HOXA10: variants seen among roughly 807,000 people sequenced by gnomAD.
HOXA10 encodes the protein homeobox protein Hox-A10.
In HOXA10, 12 loss-of-function variants were observed where a neutral mutation model predicts 29.7. The observed-to-expected ratio is 0.40, with a 90% CI of 0.26 to 0.65. The LOEUF (loss-of-function observed/expected upper bound fraction) is 0.65. Among genes scored for constraint, HOXA10 ranks in the 30% least tolerant of loss-of-function variants. HOXA10 has a pLI of 0.37. For missense variants in HOXA10, 656 were observed against 585.9 expected (o/e 1.12, Z -1.24); for synonymous variants, 327 against 280.7 (o/e 1.16, Z -1.65).
chr7:27,174,294 T>C lies in HOXA10; in HGVS notation c.13A>G (p.Lys5Glu). 9 of 1,598,372 alleles carry C rather than the reference T, an allele frequency of 5.6e-6. No individual in the cohort carries two copies. The highest frequency in any genetic ancestry group is 7.6e-6 in the Non-Finnish European group (9 of 1,179,748). ...TTTGGCGAAGGGAGCAGATAGCCCT[T>C]TCTGGCTGACATTTCTTGTGCAAAA... MSAR[K>E]GYLLPSPNYP... Residue 5 changes from lysine to glutamate, a missense_variant, in exon 1 of 2, where the codon AAG (lysine) becomes GAG (glutamate). Lys to Glu is a moderately conservative substitution (Grantham distance 56, BLOSUM62 1). Transcript: ENST00000283921.
In HOXA10 at chr7:27,171,559, T is replaced by C. The variant is rs1783489383; in HGVS notation, c.*340A>G. ...GCCCCAGGCTGGGCAGGAAACCAGC[T>C]CGGCCGAAGACAGGGGCCATTTCGA... On this transcript the variant is annotated 3_prime_UTR_variant, in exon 2 of 2. Transcript: ENST00000283921. 1 of 486,060 alleles carries C rather than the reference T, an allele frequency of 2.1e-6. No individual in the cohort carries two copies. The highest frequency in any genetic ancestry group is 4.0e-6 in the Non-Finnish European group (1 of 248,216). 30.1% of individuals were successfully genotyped at this position (486,060 alleles called of 1,614,324 possible).
Position 27,172,040 on chromosome 7 carries a change from C to T in HOXA10, c.1092G>A (p.Glu364=). ...CGCTGCGGCTAATCTCTAGGCGCCG[C>T]TCTCGAGTAAGGTACATATTGAACA... ...EFLFNMYLTR[E]RRLEISRSVH... is the part of the protein sequence containing the mutation. The change falls in exon 2 of 2, where the codon GAG becomes GAA. Residue 364 remains glutamate, a synonymous_variant. Coordinates refer to ENST00000283921, the MANE Select transcript of HOXA10 (RefSeq NM_018951.4). The T allele has an allele frequency of 1.9e-6, 3 of 1,614,022 alleles. No individual in the cohort carries two copies. The highest frequency in any genetic ancestry group is 2.5e-6 in the Non-Finnish European group (3 of 1,179,952).
intron 1 of HOXA10, chr7:27,179,568 G>T (rs1384984026): frequency 9.4e-6 from 7 of 743,270 alleles, no homozygotes; most frequent in Admixed American, 1.8e-5. Context: ...CCACGTTCCC[G>T]AGAGCCCTGC....
rs1463479135 is a variant in HOXA10, at chr7:27,171,571, AG to A, written c.*327del. On this transcript the variant is annotated 3_prime_UTR_variant, in exon 2 of 2. Transcript: ENST00000283921. ...GCAGGAAACCAGCTCGGCCGAAGAC[AG>A]GGGCCATTTCGAGCAGTGGGACCCC... 2.0e-6 allele frequency: 1 copy of A among 498,380 alleles called. No homozygotes were observed. The highest frequency in any genetic ancestry group is 1.5e-5 in the South Asian group (1 of 64,838). 30.9% of individuals were successfully genotyped at this position (498,380 alleles called of 1,614,324 possible).
At position 27,173,679 on chromosome 7, in the gene HOXA10, C is replaced by T; in HGVS notation, c.628G>A (p.Val210Met). Residue 210 changes from valine (V) to methionine (M), a missense_variant, in exon 1 of 2, where the codon GTG becomes ATG. Physicochemically the swap from Val to Met is conservative, Grantham distance 21. This residue lies in a region of HOXA10 where 594 missense variants were observed against 491.9 expected (regional missense o/e 1.21). Coordinates refer to ENST00000283921, the MANE Select transcript of HOXA10 (RefSeq NM_018951.4). ...CALGTSSGVP[V>M]PGYFRLSQAY... ...TGAGAAAGGCGGAAGTAGCCAGGCA[C>T]TGGCACCCCGCTGGAGGTGCCCAGG... 1 of 1,556,944 alleles carries T rather than the reference C, an allele frequency of 6.4e-7. No individual in the cohort carries two copies. The highest frequency in any genetic ancestry group is 2.4e-5 in the East Asian group (1 of 41,198).
In HOXA10 at chr7:27,170,657, C is replaced by A. The variant is rs1388972903; in HGVS notation, c.*1242G>T. On this transcript the variant is annotated 3_prime_UTR_variant, in exon 2 of 2. Coordinates refer to ENST00000283921, the MANE Select transcript of HOXA10 (RefSeq NM_018951.4). ...AACATAAACATCGTCTTTTTCCACG[C>A]ACAGCAGCAATACAATATTAATTTA... The A allele has an allele frequency of 2.6e-6, 1 of 381,340 alleles. No homozygotes were observed. Among genetic ancestry groups the A allele is most frequent in the African/African-American group, 2.1e-5 (1 of 47,120 alleles). The allele number at this position is 381,340 out of a possible 1,614,324, so 23.6% of individuals were successfully genotyped here.
chr7:27,175,881 T>A (rs992115051), upstream of HOXA10, among the ~76,000 whole-genome samples: 1 of 152,190 alleles, frequency 6.6e-6, no homozygotes, highest in Non-Finnish European at 1.5e-5. Context: ...TTCCTCCCAG[T>A]GTGAATCCAG....
chr7:27,173,830 G>A lies in HOXA10; in HGVS notation c.477C>T (p.Phe159=). ...QPAPQATSCS[F]AQNIKEESSY... is the part of the protein sequence containing the mutation. ...AGCTCTCTTCTTTGATGTTCTGCGC[G>A]AAAGAGCACGAGGTGGCCTGCGGCG... is the stretch of plus-strand genomic sequence containing the variant. Residue 159 remains phenylalanine (F), a synonymous_variant, in exon 1 of 2, where the codon TTC becomes TTT. Transcript: ENST00000283921. 1.2e-6 allele frequency: 2 copies of A among 1,610,822 alleles called. No homozygotes were observed. Among genetic ancestry groups the A allele is most frequent in the Non-Finnish European group, 8.5e-7 (1 of 1,178,578 alleles).
In HOXA10 at chr7:27,173,509, C is replaced by T; in HGVS notation, c.798G>A (p.Lys266=). The T allele has an allele frequency of 6.8e-7, 1 of 1,480,054 alleles. No homozygotes were observed. Among genetic ancestry groups the T allele is most frequent in the Non-Finnish European group, 8.9e-7 (1 of 1,123,924 alleles). The allele number at this position is 1,480,054 out of a possible 1,614,324, so 91.7% of individuals were successfully genotyped here. Residue 266 remains lysine (K), a synonymous_variant, in exon 1 of 2, where the codon AAG becomes AAA. Transcript: ENST00000283921. ...GCGGCGGCGAATCGAGGGCTCGCTC[C>T]TTCCGGGCCGCATCGGCCGAGCCGG... ...LASGSADAAR[K]ERALDSPPPP... is the part of the protein sequence containing the mutation.
At chr7:27,174,606 G>A (rs1277455696), upstream of HOXA10, 1 of 470,784 alleles carries the variant, frequency 2.1e-6, no homozygotes, top group Non-Finnish European at 3.8e-6. Context: ...CCGGACGTGA[G>A]CCCCATACCG....
Position 27,170,902 on chromosome 7 carries a change from G to A in HOXA10, c.*997C>T, listed in dbSNP as rs1465474373. 4.4e-6 allele frequency: 2 copies of A among 453,880 alleles called. No homozygotes were observed. Among genetic ancestry groups the A allele is most frequent in the Non-Finnish European group, 8.8e-6 (2 of 226,748 alleles). 28.1% of individuals were successfully genotyped at this position (453,880 alleles called of 1,614,324 possible). A position where few individuals can be genotyped will look rare whatever the true frequency, so the allele number is the denominator to read the frequency against. On this transcript the variant is annotated 3_prime_UTR_variant, in exon 2 of 2. Coordinates refer to ENST00000283921, the MANE Select transcript of HOXA10 (RefSeq NM_018951.4). ...ATCCAAACAATGTCTCCCTTCTCTA[G>A]TTTATTCCGCTTACCCCAGTCCTCC...
chr7:27,174,509 A>G (rs1164838889), upstream of HOXA10, among the ~76,000 whole-genome samples: 3 of 152,276 alleles, frequency 2.0e-5, no homozygotes, highest in Admixed American at 6.5e-5. Context: ...ACGCACCCCG[A>G]CACCTTGGCC....
In HOXA10 at chr7:27,174,159, C is replaced by T. The variant is rs763886371; in HGVS notation, c.148G>A (p.Gly50Arg). ...GEAGGGGGGA[G>R]GGGGGGYYAH... ...TAGTAACCGCCACCGCCGCCGCCCC[C>T]CGCGCCACCACCACCGCCGCCTGCC... Residue 50 changes from glycine (G) to arginine (R), a missense_variant, in exon 1 of 2, where the codon GGG (glycine) becomes AGG (arginine). Gly to Arg is a moderately radical substitution (Grantham distance 125, BLOSUM62 -2). Around this residue, in one of 2 missense-constraint regions of HOXA10, gnomAD observed 594 missense variants for 491.9 expected, o/e 1.21. Transcript: ENST00000283921. 6.3e-7 allele frequency: 1 copy of T among 1,596,254 alleles called. No individual in the cohort carries two copies. The highest frequency in any genetic ancestry group is 2.2e-5 in the East Asian group (1 of 44,810).
chr7:27,179,310 CTT>C (rs10634973), upstream of HOXA10, among the ~76,000 whole-genome samples: 108 of 141,390 alleles, frequency 7.6e-4, no homozygotes, highest in Non-Finnish European at 8.6e-4. Flanking sequence ...CCGCGATCAC[CTT>C]TTTTTTTTTT....
chr7:27,179,400 A>C lies in HOXA10; in HGVS notation c.10+246T>G, dbSNP rs189869336. ...ATGCCTCTCATCCCTAGCCCATTCT[A>C]TTCTGTGTATTTCTACAAAATCGAA... On this transcript the variant is annotated intron_variant, in intron 1 of 1. Coordinates refer to the HOXA10 transcript ENST00000396344. Among the ~76,000 whole-genome samples the C allele has an allele frequency of 3.9e-3, 590 of 149,446 alleles. 2 individuals carry two copies. The highest frequency in any genetic ancestry group is 6.9e-3 in the Non-Finnish European group (470 of 67,772).
At chr7:27,179,647 T>C in exon 1 of HOXA10, 1 of 779,140 alleles carries the variant, frequency 1.3e-6, no homozygotes, top group Non-Finnish European at 2.4e-6. Flanking sequence ...GCCTCTTACC[T>C]TGACACATTT....
Position 27,174,301 on chromosome 7 carries a change from T to A in HOXA10, c.6A>T (p.Ser2=), listed in dbSNP as rs1333552122. 1 of 1,598,164 alleles carries A rather than the reference T, an allele frequency of 6.3e-7. No individual in the cohort carries two copies. The highest frequency in any genetic ancestry group is 1.3e-5 in the African/African-American group (1 of 75,020). Residue 2 remains serine, a synonymous_variant, in exon 1 of 2, where the codon TCA becomes TCT. Coordinates refer to ENST00000283921, the MANE Select transcript of HOXA10 (RefSeq NM_018951.4). ...AAGGGAGCAGATAGCCCTTTCTGGC[T>A]GACATTTCTTGTGCAAAACATGCTG... The part of the protein sequence containing the change: M[S]ARKGYLLPSP...
At chr7:27,179,816 G>A in exon 1 of HOXA10, 1 of 701,100 alleles carries the variant, frequency 1.4e-6, no homozygotes, top group East Asian at 2.7e-5. Context: ...ATAATGTACC[G>A]TGCTGCTCTT....
rs760444943 is a variant in HOXA10 at position 27,171,989 on chromosome 7, T to A, written c.1143A>T (p.Lys381Asn). 2 of 1,614,210 alleles carry A rather than the reference T, an allele frequency of 1.2e-6. No individual in the cohort carries two copies. Among genetic ancestry groups the A allele is most frequent in the Non-Finnish European group, 1.7e-6 (2 of 1,180,024 alleles). The change falls in exon 2 of 2, where the codon AAA becomes AAT. Residue 381 changes from lysine to asparagine, a missense_variant. Physicochemically the swap from Lys to Asn is moderately conservative, Grantham distance 94. Around this residue, in one of 2 missense-constraint regions of HOXA10, gnomAD observed 62 missense variants for 94.0 expected, o/e 0.66. Transcript: ENST00000283921. ...RSVHLTDRQVKIWFQNRRMKL... is the reference protein window; with the variant it reads ...RSVHLTDRQVNIWFQNRRMKL... ...TCATCCTGCGGTTCTGAAACCAGAT[T>A]TTCACTTGTCTGTCCGTGAGGTGGA...
Sources: gnomAD v4.1 joint callset for allele counts (sites outside exome capture counted in the v4.1 genomes callset) on GRCh38, gnomAD v4.1.1 for gene constraint, gnomAD v4.1.1 regional missense constraint, MANE v1.5 for transcripts, NCBI Gene and HGNC (gene_info 2026-07-23, HGNC 2026-07-21) for gene names.